PHC2: variants seen among roughly 807,000 people sequenced by gnomAD.
PHC2 encodes polyhomeotic-like protein 2.
A neutral mutation model predicts 87.4 loss-of-function variants in PHC2; 29 were observed. That is an observed-to-expected ratio of 0.33 (90% CI 0.25 to 0.45). The LOEUF (loss-of-function observed/expected upper bound fraction) is 0.45. Ranked by LOEUF, PHC2 falls within the 20% of genes least tolerant of loss-of-function variation. The pLI is 1.00. For synonymous variants in PHC2, 438 were observed against 461.7 expected (o/e 0.95, Z 0.66); for missense variants, 857 against 1,136.7 (o/e 0.75, Z 3.54).
At chr1:33,421,918 A>G (rs1485506618) in intron 1 of PHC2, among the ~76,000 whole-genome samples, 1 of 152,140 alleles carries the variant, frequency 6.6e-6, no homozygotes, top group Admixed American at 6.5e-5. Context: ...TGATCTCGTT[A>G]CTCCTAAGGG....
chr1:33,399,624 T>C (rs1031696694), intron 1 of PHC2, among the ~76,000 whole-genome samples: 1 of 152,226 alleles, frequency 6.6e-6, no homozygotes, highest in Non-Finnish European at 1.5e-5. Context: ...GTGTGGCTTA[T>C]GTTTCAGGAC....
Position 33,331,774 on chromosome 1 carries a change from T to A in PHC2, c.1892-312A>T, listed in dbSNP as rs1163095818. On this transcript the variant is annotated intron_variant, in intron 11 of 14. Transcript: ENST00000683057. The surrounding 1 kb of genome is among the most constrained non-coding windows in gnomAD (Gnocchi z 5.2). ...GAAAGCAGGAGCCCCCAGGAAATAC[T>A]CTGGATGCTGTCACAGCTGCTCCGC... 1 of 325,070 alleles carries A rather than the reference T, an allele frequency of 3.1e-6. No homozygotes were observed. Among genetic ancestry groups the A allele is most frequent in the African/African-American group, 2.1e-5 (1 of 47,346 alleles). 20.1% of individuals were successfully genotyped at this position (325,070 alleles called of 1,614,324 possible). A position where few individuals can be genotyped will look rare whatever the true frequency, so the allele number is the denominator to read the frequency against.
In PHC2 at chr1:33,332,423, G is replaced by T; in HGVS notation, c.1762-19C>A. On this transcript the variant is annotated intron_variant, in intron 10 of 14. Coordinates refer to ENST00000683057, the MANE Select transcript of PHC2 (RefSeq NM_001385109.1). This position sits in a 1 kb window ranked among gnomAD's most constrained non-coding sequence, Gnocchi z 4.2. ...GTCCCACCTAGAGGACAGGTAACAC[G>T]GAGGCCGTGAGGGTCAGGTGGGAGC... The T allele has an allele frequency of 1.2e-6, 2 of 1,614,026 alleles. No individual in the cohort carries two copies. The highest frequency in any genetic ancestry group is 1.7e-6 in the Non-Finnish European group (2 of 1,179,946).
intron 9 of PHC2, among the ~76,000 whole-genome samples, chr1:33,353,959 A>AGAT (rs1647020650): frequency 1.3e-5 from 2 of 152,180 alleles, no homozygotes; most frequent in Admixed American, 1.3e-4. Flanking sequence ...AGCTGAACTC[A>AGAT]TCTGAGTCCC....
At chr1:33,410,555 T>C (rs941490485) in intron 1 of PHC2, among the ~76,000 whole-genome samples, 1 of 152,216 alleles carries the variant, frequency 6.6e-6, no homozygotes, top group Non-Finnish European at 1.5e-5. Context: ...GGTAGCGATA[T>C]TCCAGGGCTG....
At chr1:33,412,347 C>A (rs1650017189) in intron 1 of PHC2, among the ~76,000 whole-genome samples, 1 of 152,194 alleles carries the variant, frequency 6.6e-6, no homozygotes, top group Non-Finnish European at 1.5e-5. Context: ...TTTCTCTTAA[C>A]TATTAATTAT....
chr1:33,375,869 T>C (rs750131982), intron 1 of PHC2, among the ~76,000 whole-genome samples: 1 of 152,214 alleles, frequency 6.6e-6, no homozygotes, highest in Non-Finnish European at 1.5e-5. Context: ...TAGGAGGATG[T>C]GGGTCAGTTA....
intron 2 of PHC2, among the ~76,000 whole-genome samples, chr1:33,373,128 T>TC (rs397787465): frequency 6.6e-6 from 1 of 151,628 alleles, no homozygotes; most frequent in African/African-American, 2.4e-5. Context: ...TTCTTTTTTT[T>TC]GGAGGGGGGA....
chr1:33,401,987 TA>T (rs1649552211), intron 1 of PHC2, among the ~76,000 whole-genome samples: 1 of 152,044 alleles, frequency 6.6e-6, no homozygotes, highest in Admixed American at 6.6e-5. Flanking sequence ...TTGACTACAT[TA>T]AAAGAAAAAA....
At chr1:33,347,133 C>A (rs937197474) in intron 9 of PHC2, 3 of 985,266 alleles carry the variant, frequency 3.0e-6, no homozygotes, top group Admixed American at 6.1e-5. Context: ...GATTCTGGGG[C>A]TGAGCCAGAG....
At chr1:33,342,547 C>T (rs1646764412) in intron 9 of PHC2, among the ~76,000 whole-genome samples, 10 of 146,850 alleles carry the variant, frequency 6.8e-5, no homozygotes, top group Admixed American at 3.4e-4. Context: ...TTCAGGACAA[C>T]GGGAGCAGTG....
chr1:33,356,500 G>A (rs1438887765), intron 7 of PHC2, among the ~76,000 whole-genome samples: 2 of 150,630 alleles, frequency 1.3e-5, no homozygotes, highest in Admixed American at 6.6e-5. Flanking sequence ...GACTCTTAAC[G>A]AGCATGCTGC....
chr1:33,351,254 T>C (rs12041636), intron 9 of PHC2, among the ~76,000 whole-genome samples: 26,264 of 152,198 alleles, frequency 0.17, 2,802 homozygotes, highest in South Asian at 0.27. Flanking sequence ...TTTCAGATAA[T>C]TTTCATGTAT....
At chr1:33,419,799 C>T (rs376918022) in intron 1 of PHC2, among the ~76,000 whole-genome samples, 4 of 152,012 alleles carry the variant, frequency 2.6e-5, no homozygotes, top group Admixed American at 6.6e-5. Flanking sequence ...TTAGTAGAGA[C>T]GGGGTTTCAC....
intron 12 of PHC2, among the ~76,000 whole-genome samples, chr1:33,330,926 T>C (rs868800949): frequency 2.6e-5 from 4 of 152,352 alleles, no homozygotes; most frequent in Admixed American, 1.3e-4. Flanking sequence ...GCACAGTGAC[T>C]AGCACACAGC....
chr1:33,347,764 T>C (rs1646871913), intron 9 of PHC2: 3 of 983,432 alleles, frequency 3.1e-6, no homozygotes, highest in Non-Finnish European at 3.6e-6. Flanking sequence ...GCAGAGCTCA[T>C]GTGATGAAGA....
Position 33,355,067 on chromosome 1 carries a change from TGGA to T in PHC2, c.1160_1162del (p.Leu387del), listed in dbSNP as rs1380160518. 6.2e-7 allele frequency: 1 copy of T among 1,612,930 alleles called. No individual in the cohort carries two copies. The highest frequency in any genetic ancestry group is 1.3e-5 in the African/African-American group (1 of 74,860). ...CATGGCATGGGCCTCTGAGCTGGGC[TGGA>T]GGGCCACGCTTGGAGAGACTGAGGC... On this transcript the variant is annotated inframe_deletion, in exon 8 of 15. Coordinates refer to ENST00000683057, the MANE Select transcript of PHC2 (RefSeq NM_001385109.1).
chr1:33,375,395 T>C lies in PHC2; in HGVS notation c.145A>G (p.Ser49Gly). 1 of 1,608,370 alleles carries C rather than the reference T, an allele frequency of 6.2e-7. No homozygotes were observed. The highest frequency in any genetic ancestry group is 8.5e-7 in the Non-Finnish European group (1 of 1,177,122). The change falls in exon 2 of 15, where the codon AGT (serine) becomes GGT (glycine). Residue 49 changes from serine to glycine, a missense_variant. Transcript: ENST00000683057. ...ACGGTCTGCCGGTCTGGAATACCAC[T>C]GTACACAGAAATCTGGGGCCCGGTG... is the stretch of plus-strand genomic sequence containing the variant. ...RPTGPQISVYSGIPDRQTVQV... is the reference protein window; with the variant it reads ...RPTGPQISVYGGIPDRQTVQV...
At chr1:33,429,430 G>A (rs902863616) in intron 1 of PHC2, among the ~76,000 whole-genome samples, 3 of 152,156 alleles carry the variant, frequency 2.0e-5, no homozygotes, top group South Asian at 2.1e-4. Flanking sequence ...GGCTGCATTC[G>A]CTGTTCCCCC....
Sources: gnomAD v4.1 joint callset for allele counts (sites outside exome capture counted in the v4.1 genomes callset) on GRCh38, gnomAD v4.1.1 for gene constraint, Gnocchi (gnomAD v3.1) non-coding constraint, MANE v1.5 for transcripts, NCBI Gene and HGNC (gene_info 2026-07-23, HGNC 2026-07-21) for gene names.